SFXN5: variants seen among roughly 807,000 people sequenced by gnomAD.
SFXN5 encodes sideroflexin-5.
A neutral mutation model predicts 50.2 loss-of-function variants in SFXN5; 43 were observed. The observed-to-expected ratio is 0.86, with a 90% CI of 0.67 to 1.11. SFXN5 has a LOEUF of 1.11. Ranked by LOEUF, SFXN5 falls within the 50% of genes least tolerant of loss-of-function variation. The probability of loss-of-function intolerance (pLI) is 0.00; values close to 1 mark genes in which losing one functional copy is unlikely to be tolerated. For missense variants in SFXN5, 463 were observed against 454.1 expected (o/e 1.02, Z -0.18); for synonymous variants, 203 against 185.8 (o/e 1.09, Z -0.75).
In SFXN5 at chr2:72,960,230, G is replaced by A. The variant is rs769954394; in HGVS notation, c.945+901C>T. Among the ~76,000 whole-genome samples the A allele has an allele frequency of 3.0e-4, 45 of 151,516 alleles. No individual in the cohort carries two copies. Among genetic ancestry groups the A allele is most frequent in the African/African-American group, 1.1e-3 (45 of 41,184 alleles). On this transcript the variant is annotated intron_variant, in intron 13 of 13. Coordinates refer to ENST00000272433, the MANE Select transcript of SFXN5 (RefSeq NM_144579.3). This position sits in a 1 kb window ranked among gnomAD's most constrained non-coding sequence, Gnocchi z 6.1. ...CATCCCACAGGCTCCTCAACCCCGC[G>A]TGTCCATCCAACTGACCCACTGCCC...
At chr2:73,017,299 G>T (rs1255322924) in intron 6 of SFXN5, among the ~76,000 whole-genome samples, 1 of 152,114 alleles carries the variant, frequency 6.6e-6, no homozygotes. Flanking sequence ...TTTTATGAGT[G>T]TATCTTTTTA....
intron 9 of SFXN5, among the ~76,000 whole-genome samples, chr2:72,989,906 C>T (rs927900598): frequency 2.6e-5 from 4 of 152,180 alleles, no homozygotes; most frequent in African/African-American, 7.2e-5. Flanking sequence ...CCTGACGGGC[C>T]GGGGCAGCCT....
intron 12 of SFXN5, among the ~76,000 whole-genome samples, chr2:72,964,930 G>C (rs1216911884): frequency 6.6e-6 from 1 of 152,236 alleles, no homozygotes; most frequent in Non-Finnish European, 1.5e-5. Context: ...ATACGGAAGG[G>C]GGGAAGGGAA....
intron 11 of SFXN5, among the ~76,000 whole-genome samples, chr2:72,968,953 C>T (rs1007656516): frequency 3.3e-5 from 5 of 152,026 alleles, no homozygotes; most frequent in African/African-American, 1.2e-4. Flanking sequence ...CAGGTGCGCA[C>T]CACCATACCT....
At chr2:73,012,519 G>T (rs937528858) in intron 6 of SFXN5, among the ~76,000 whole-genome samples, 1 of 151,066 alleles carries the variant, frequency 6.6e-6, no homozygotes, top group African/African-American at 2.4e-5. Context: ...TACCTAGAAA[G>T]GAAAAGAAAA....
At chr2:72,965,199 C>A (rs567185805) in intron 12 of SFXN5, among the ~76,000 whole-genome samples, 2 of 152,230 alleles carry the variant, frequency 1.3e-5, no homozygotes, top group East Asian at 1.9e-4. Context: ...AGCACGCTGG[C>A]GGAAGGGCAC....
chr2:73,061,878 G>A (rs1366043002), intron 1 of SFXN5, among the ~76,000 whole-genome samples: 1 of 152,168 alleles, frequency 6.6e-6, no homozygotes, highest in Non-Finnish European at 1.5e-5. Flanking sequence ...CTACTTGGGA[G>A]GCTGAAGTGA....
At chr2:73,028,683 A>G (rs2105870592) in intron 3 of SFXN5, among the ~76,000 whole-genome samples, 1 of 152,356 alleles carries the variant, frequency 6.6e-6, no homozygotes, top group South Asian at 2.1e-4. Flanking sequence ...TGATACGGTC[A>G]GCTCTGCCTA....
rs1256836297 is a variant in SFXN5, at chr2:72,971,559, C to T, written c.741+11G>A. On this transcript the variant is annotated intron_variant, in intron 11 of 13. Coordinates refer to ENST00000272433, the MANE Select transcript of SFXN5 (RefSeq NM_144579.3). ...GCTGGCCTCCCCAACCCTGCGAACCCCCAGACCCACGTGTCGGGCTGCGAT... is the reference window on the plus strand; with the variant it reads ...GCTGGCCTCCCCAACCCTGCGAACCTCCAGACCCACGTGTCGGGCTGCGAT... 1.9e-6 allele frequency: 3 copies of T among 1,610,690 alleles called. No homozygotes were observed. Among genetic ancestry groups the T allele is most frequent in the Non-Finnish European group, 2.5e-6 (3 of 1,177,390 alleles).
intron 3 of SFXN5, among the ~76,000 whole-genome samples, chr2:73,034,107 A>G (rs1279424886): frequency 6.6e-6 from 1 of 152,246 alleles, no homozygotes; most frequent in East Asian, 1.9e-4. Context: ...CAGATCATCC[A>G]GGAGGCCACT....
At chr2:72,997,252 C>A (rs933014124) in intron 9 of SFXN5, 1 of 152,192 alleles carries the variant, frequency 6.6e-6, no homozygotes, top group African/African-American at 2.4e-5. Flanking sequence ...TTCAGGACAA[C>A]CCCAAGTCCC....
intron 6 of SFXN5, among the ~76,000 whole-genome samples, chr2:73,016,883 C>A (rs192725975): frequency 1.3e-5 from 2 of 152,030 alleles, no homozygotes; most frequent in Admixed American, 6.5e-5. Context: ...TGATGGGATG[C>A]GGAACATAGA....
chr2:73,000,584 A>G, intron 7 of SFXN5, 97 bp from the exon 8 acceptor site: 1 of 1,175,622 alleles, frequency 8.5e-7, no homozygotes, highest in Non-Finnish European at 1.2e-6. Context: ...AGAAAGGCAC[A>G]GCATGCGGTC....
At chr2:73,060,765 G>A (rs1039277713) in intron 1 of SFXN5, among the ~76,000 whole-genome samples, 12 of 149,386 alleles carry the variant, frequency 8.0e-5, no homozygotes, top group Non-Finnish European at 5.9e-5. Flanking sequence ...GCAGTGGCAC[G>A]ATCTCAGCTC....
At chr2:73,011,610 A>AAC (rs1026136335) in intron 6 of SFXN5, among the ~76,000 whole-genome samples, 1 of 152,206 alleles carries the variant, frequency 6.6e-6, no homozygotes, top group Non-Finnish European at 1.5e-5. Flanking sequence ...AAAGAGTGTG[A>AAC]ACAGGTAATT....
At chr2:73,058,646 C>G in intron 1 of SFXN5, 50 bp from the exon 2 acceptor site, 3 of 1,562,978 alleles carry the variant, frequency 1.9e-6, no homozygotes, top group Non-Finnish European at 2.6e-6. Flanking sequence ...TGCTGCACAC[C>G]CTTCTCCAGA....
intron 1 of SFXN5, among the ~76,000 whole-genome samples, chr2:73,069,927 C>T (rs750343365): frequency 2.6e-5 from 4 of 152,240 alleles, no homozygotes; most frequent in Non-Finnish European, 5.9e-5. Flanking sequence ...AGATCAGCCC[C>T]TTCTTGCAAA....
In SFXN5 at chr2:72,960,918, G is replaced by A. The variant is rs1280182296; in HGVS notation, c.945+213C>T. 4.6e-5 allele frequency among the ~76,000 whole-genome samples: 7 copies of A among 152,056 alleles called. No homozygotes were observed. The East Asian group carries it at 5.8e-4, about 13-fold the overall frequency. On this transcript the variant is annotated intron_variant, in intron 13 of 13. Coordinates refer to ENST00000272433, the MANE Select transcript of SFXN5 (RefSeq NM_144579.3). This position sits in a 1 kb window ranked among gnomAD's most constrained non-coding sequence, Gnocchi z 6.1. ...CCAGTGGAGCTTCTCCCACCCTAACGCTCCTGGCTCCTCATCTGCTGGCCT... is the reference window on the plus strand; with the variant it reads ...CCAGTGGAGCTTCTCCCACCCTAACACTCCTGGCTCCTCATCTGCTGGCCT...
At chr2:72,974,461 C>G (rs866004951) in intron 10 of SFXN5, among the ~76,000 whole-genome samples, 4 of 152,226 alleles carry the variant, frequency 2.6e-5, no homozygotes, top group Middle Eastern at 3.4e-3. Flanking sequence ...CAGGACAATT[C>G]TGAAGCTGCC....
Sources: allele counts gnomAD v4.1 joint callset (sites outside exome capture counted in the v4.1 genomes callset), GRCh38; gene constraint gnomAD v4.1.1; non-coding constraint Gnocchi (gnomAD v3.1); transcripts MANE v1.5; gene names NCBI Gene and HGNC (gene_info 2026-07-23, HGNC 2026-07-21).